Variants in PDE6A observed in about 807,000 individuals in gnomAD.
PDE6A encodes the protein phosphodiesterase 6A.
In PDE6A, 84 loss-of-function variants were observed where a neutral mutation model predicts 106.3. That is an observed-to-expected ratio of 0.79 (90% CI 0.66 to 0.95). The LOEUF is 0.95. PDE6A is among the 40% of genes least tolerant of loss of function. The pLI, the probability that PDE6A is intolerant of heterozygous loss-of-function variation, is 0.00. For synonymous variants in PDE6A, 394 were observed against 386.6 expected (o/e 1.02, Z -0.23); for missense variants, 1,052 against 1,084.9 (o/e 0.97, Z 0.43).
chr5:149,875,521 G>A (rs1262922256), intron 17 of PDE6A, among the ~76,000 whole-genome samples: 2 of 142,826 alleles, frequency 1.4e-5, no homozygotes, highest in Admixed American at 7.2e-5. Context: ...GAGGAGCCTC[G>A]CTCTGTCACC....
Position 149,931,231 on chromosome 5 carries a change from G to T in PDE6A, c.718-63C>A. On this transcript the variant is annotated intron_variant, in intron 3 of 21. Transcript: ENST00000255266. ...TGCAAAGTAGTAGCTCACTTAGCTG[G>T]AGAATAACAACAATTCTGTAAAGTT... is the stretch of plus-strand genomic sequence containing the variant. 2.7e-6 allele frequency: 4 copies of T among 1,470,658 alleles called. No homozygotes were observed. The South Asian group carries it at 4.5e-5, about 17-fold the overall frequency. 91.1% of individuals were successfully genotyped at this position (1,470,658 alleles called of 1,614,324 possible). A position where few individuals can be genotyped will look rare whatever the true frequency, so the allele number is the denominator to read the frequency against.
chr5:149,944,719 G>A lies in PDE6A; in HGVS notation c.-46C>T, dbSNP rs763089143. ...ACTCTGTAGAAGGACTGGGACGGAG[G>A]CCTTCCAATGGCAGTTTTGCAGTCT... On this transcript the variant is annotated 5_prime_UTR_variant, in exon 1 of 22. Transcript: ENST00000255266. The A allele has an allele frequency of 1.7e-5, 25 of 1,482,086 alleles. No homozygotes were observed. The highest frequency in any genetic ancestry group is 2.3e-5 in the Non-Finnish European group (25 of 1,084,040). 91.8% of individuals were successfully genotyped at this position (1,482,086 alleles called of 1,614,324 possible).
chr5:149,921,875 T>C (rs956444625), intron 4 of PDE6A, among the ~76,000 whole-genome samples, 166 bp from the exon 5 acceptor site: 1 of 152,084 alleles, frequency 6.6e-6, no homozygotes, highest in Non-Finnish European at 1.5e-5. Flanking sequence ...AGTTAGAAAA[T>C]AGTCACATTT....
At chr5:149,900,375 G>GTATATATATTTATATATATATATA (rs1752924695) in intron 8 of PDE6A, among the ~76,000 whole-genome samples, 1 of 82,584 alleles carries the variant, frequency 1.2e-5, no homozygotes, top group Non-Finnish European at 2.4e-5. Context: ...AAATATATAT[G>GTATATATATTTATATATATATATA]TATATATATA....
intron 5 of PDE6A, among the ~76,000 whole-genome samples, chr5:149,919,536 A>C (rs1168857422): frequency 6.6e-6 from 1 of 152,180 alleles, no homozygotes; most frequent in Non-Finnish European, 1.5e-5. Context: ...TTTTTTTGGA[A>C]TCCCACAGGA....
intron 3 of PDE6A, among the ~76,000 whole-genome samples, chr5:149,932,937 G>A (rs779362667): frequency 6.6e-6 from 1 of 152,236 alleles, no homozygotes; most frequent in African/African-American, 2.4e-5. Context: ...GCACAGCACC[G>A]GCGGAGTGGC....
intron 4 of PDE6A, among the ~76,000 whole-genome samples, chr5:149,924,939 C>T (rs1050918705): frequency 2.6e-4 from 40 of 152,142 alleles, no homozygotes; most frequent in African/African-American, 9.2e-4. Context: ...CTTGAAAACA[C>T]CCTAGGCTGG....
At chr5:149,902,309 C>T (rs1163047354) in intron 8 of PDE6A, among the ~76,000 whole-genome samples, 1 of 152,084 alleles carries the variant, frequency 6.6e-6, no homozygotes, top group Non-Finnish European at 1.5e-5. Flanking sequence ...TTGATTCCTC[C>T]CAGATTAAGT....
rs746482403 is a variant in PDE6A, at chr5:149,866,178, C to T, written c.2350G>A (p.Val784Ile). The T allele has an allele frequency of 1.4e-5, 23 of 1,612,090 alleles. No homozygotes were observed. The highest frequency in any genetic ancestry group is 3.3e-5 in the Admixed American group (2 of 59,994). The change falls in exon 20 of 22, where the codon GTC becomes ATC. Residue 784 changes from valine (V) to isoleucine (I), a missense_variant. Val to Ile is a conservative substitution (Grantham distance 29). Around this residue, in one of 3 missense-constraint regions of PDE6A, gnomAD observed 135 missense variants for 153.2 expected, o/e 0.88. Transcript: ENST00000255266. ...VGFIDFVCTF[V>I]YKEFSRFHEE... is the part of the protein sequence containing the mutation. Reference sequence around the variant, plus strand: ...GGAAGCCAAGGGCCTACCTTGTAGACGAAGGTGCAAACAAAGTCAATGAAG... The same window carrying T: ...GGAAGCCAAGGGCCTACCTTGTAGATGAAGGTGCAAACAAAGTCAATGAAG...
rs558833431 is a variant in PDE6A, at chr5:149,865,469, T to G, written c.2358+701A>C. 4.7e-4 allele frequency among the ~76,000 whole-genome samples: 71 copies of G among 151,882 alleles called. No homozygotes were observed. The Middle Eastern group carries it at 0.01, about 22-fold the overall frequency. ...CTCAATGAAAAAAAAGAAATATTAC[T>G]GATGATAGTGGCAAGCATCAGCCAC... is the stretch of plus-strand genomic sequence containing the variant. On this transcript the variant is annotated intron_variant, in intron 20 of 21. Coordinates refer to ENST00000255266, the MANE Select transcript of PDE6A (RefSeq NM_000440.3).
At chr5:149,876,351 T>C (rs962196358) in intron 17 of PDE6A, among the ~76,000 whole-genome samples, 1 of 117,226 alleles carries the variant, frequency 8.5e-6, no homozygotes, top group African/African-American at 3.6e-5. Flanking sequence ...TTTTTCCTCT[T>C]TTTTTTTTTT....
rs1760233091 is a variant in PDE6A at position 149,863,879 on chromosome 5, T to C, written c.2359-613A>G. On this transcript the variant is annotated intron_variant, in intron 20 of 21. Transcript: ENST00000255266. This position sits in a 1 kb window ranked among gnomAD's most constrained non-coding sequence, Gnocchi z 4.7. ...CCTCAAGTGATTCTTCTGCCTTGGCTTCTCAAAGTGCTGGGATTACAGGCA... is the reference window on the plus strand; with the variant it reads ...CCTCAAGTGATTCTTCTGCCTTGGCCTCTCAAAGTGCTGGGATTACAGGCA... Among the ~76,000 whole-genome samples, 2 of 152,148 alleles carry C rather than the reference T, an allele frequency of 1.3e-5. No individual in the cohort carries two copies. The highest frequency in any genetic ancestry group is 3.9e-4 in the East Asian group (2 of 5,182).
intron 17 of PDE6A, among the ~76,000 whole-genome samples, chr5:149,870,546 A>G (rs1046942994): frequency 4.6e-5 from 7 of 152,126 alleles, no homozygotes; most frequent in Non-Finnish European, 8.8e-5. Flanking sequence ...TGGTTGCAGA[A>G]ACACACCTAA....
chr5:149,877,135 T>C (rs1561694950), intron 17 of PDE6A, among the ~76,000 whole-genome samples: 3 of 152,228 alleles, frequency 2.0e-5, no homozygotes, highest in South Asian at 4.1e-4. Context: ...TGGACAGTGA[T>C]ACATTTTCTG....
chr5:149,913,088 A>G (rs1385947380), intron 6 of PDE6A, among the ~76,000 whole-genome samples: 1 of 152,178 alleles, frequency 6.6e-6, no homozygotes, highest in Non-Finnish European at 1.5e-5. Flanking sequence ...TTAGAAGATA[A>G]TAAGGGAATC....
At chr5:149,929,467 C>T (rs1188015745) in intron 4 of PDE6A, among the ~76,000 whole-genome samples, 4 of 152,054 alleles carry the variant, frequency 2.6e-5, no homozygotes, top group Non-Finnish European at 5.9e-5. Context: ...ATTAGCCAGG[C>T]ATGGTGGTGG....
At chr5:149,861,686 T>C (rs1037334072) in intron 21 of PDE6A, among the ~76,000 whole-genome samples, 3 of 152,162 alleles carry the variant, frequency 2.0e-5, no homozygotes, top group African/African-American at 7.2e-5. Flanking sequence ...AATCTGGATT[T>C]TTTAAATCTT....
chr5:149,900,393 A>ATATATATATATATATATATC (rs1561739045), intron 8 of PDE6A, among the ~76,000 whole-genome samples: 5 of 131,160 alleles, frequency 3.8e-5, no homozygotes, highest in African/African-American at 1.4e-4. Context: ...ATATATATAT[A>ATATATATATATATATATATC]TATATCCGTT....
At chr5:149,864,298 G>A (rs1378778239) in intron 20 of PDE6A, among the ~76,000 whole-genome samples, 1 of 151,910 alleles carries the variant, frequency 6.6e-6, no homozygotes, top group Non-Finnish European at 1.5e-5. Context: ...GAGTGCAGTG[G>A]TGCAATCTCG....
Sources: allele counts gnomAD v4.1 joint callset (sites outside exome capture counted in the v4.1 genomes callset), GRCh38; gene constraint gnomAD v4.1.1; regional missense constraint gnomAD v4.1.1; non-coding constraint Gnocchi (gnomAD v3.1); transcripts MANE v1.5; gene names NCBI Gene and HGNC (gene_info 2026-07-23, HGNC 2026-07-21).